Variants in TBR1 observed in about 807,000 individuals in gnomAD.
TBR1 encodes T-box brain transcription factor 1.
Under a neutral mutation model 60.3 loss-of-function variants are expected in TBR1, and 7 were observed. The observed-to-expected ratio is 0.12, with a 90% CI of 0.07 to 0.22. The LOEUF is 0.22. Ranked by LOEUF, TBR1 falls within the 10% of genes least tolerant of loss-of-function variation. The pLI is 1.00. For synonymous variants in TBR1, 417 were observed against 409.9 expected (o/e 1.02, Z -0.21); for missense variants, 616 against 936.8 (o/e 0.66, Z 4.47).
In TBR1 at chr2:161,420,257, C is replaced by T. The variant is rs1357112524; in HGVS notation, c.1190C>T (p.Thr397Met). 4 of 1,611,890 alleles carry T rather than the reference C, an allele frequency of 2.5e-6. No individual in the cohort carries two copies. The highest frequency in any genetic ancestry group is 2.2e-5 in the East Asian group (1 of 44,790). The change falls in exon 5 of 6, where the codon ACG becomes ATG. Residue 397 changes from threonine (T) to methionine (M), a missense_variant and splice_region_variant. By Grantham distance (81) the Thr-to-Met change is moderately conservative. This residue lies in a region of TBR1 where 19 missense variants were observed against 42.2 expected (regional missense o/e 0.45). Coordinates refer to ENST00000389554, the MANE Select transcript of TBR1 (RefSeq NM_006593.4). ...FAKGFRDNYDTIYTGCDMDRL... is the reference protein window; with the variant it reads ...FAKGFRDNYDMIYTGCDMDRL... Reference sequence around the variant, plus strand: ...AAAGGATTTCGGGATAATTATGACACGTAAGTAACTTTGTATCTTCCTTTT... The same window carrying T: ...AAAGGATTTCGGGATAATTATGACATGTAAGTAACTTTGTATCTTCCTTTT...
At position 161,423,949 on chromosome 2, in the gene TBR1, G is replaced by A. The variant is rs1489503769; in HGVS notation, c.1771G>A (p.Ala591Thr). ...YLGEEAEGLA[A>T]ERSPLPPGAA... ...GGGCGAGGAGGCCGAGGGCCTGGCCGCCGAGCGCTCGCCGCTGCCGCCCGG... is the reference window on the plus strand; with the variant it reads ...GGGCGAGGAGGCCGAGGGCCTGGCCACCGAGCGCTCGCCGCTGCCGCCCGG... The change falls in exon 6 of 6, where the codon GCC becomes ACC. Residue 591 changes from alanine (A) to threonine (T), a missense_variant. By Grantham distance (58) the Ala-to-Thr change is moderately conservative (BLOSUM62 0). Transcript: ENST00000389554. 1 of 1,545,462 alleles carries A rather than the reference G, an allele frequency of 6.5e-7. No homozygotes were observed. Among genetic ancestry groups the A allele is most frequent in the South Asian group, 1.2e-5 (1 of 83,758 alleles).
chr2:161,420,416 T>TTA, intron 5 of TBR1, 159 bp downstream of exon 5: 2 of 215,566 alleles, frequency 9.3e-6, no homozygotes, highest in Admixed American at 6.6e-5. Context: ...CTTCTTCCTC[T>TTA]TCTTTTTTTT....
Position 161,424,111 on chromosome 2 carries a change from A to G in TBR1, c.1933A>G (p.Thr645Ala). Reference protein sequence around the residue: ...AKRRRISPADTPVSESSSPLK... With the variant: ...AKRRRISPADAPVSESSSPLK... The stretch of plus-strand genomic sequence containing the variant: ...GCGGAGGCGGATCTCGCCGGCCGAC[A>G]CGCCCGTGTCCGAGAGTTCGTCCCC... The change falls in exon 6 of 6, where the codon ACG (threonine) becomes GCG (alanine). Residue 645 changes from threonine to alanine, a missense_variant. Coordinates refer to ENST00000389554, the MANE Select transcript of TBR1 (RefSeq NM_006593.4). The surrounding 1 kb of genome is among the most constrained non-coding windows in gnomAD (Gnocchi z 4.4). 1 of 1,612,396 alleles carries G rather than the reference A, an allele frequency of 6.2e-7. No homozygotes were observed. The highest frequency in any genetic ancestry group is 1.1e-5 in the South Asian group (1 of 90,646).
Position 161,424,499 on chromosome 2 carries a change from A to C in TBR1, c.*272A>C. ...TCTTCTTCTGTGGAGTTATCCTCCT[A>C]CAATTCCCCTCCCCCTCGTCTTTCT... On this transcript the variant is annotated 3_prime_UTR_variant, in exon 6 of 6. Coordinates refer to ENST00000389554, the MANE Select transcript of TBR1 (RefSeq NM_006593.4). This position sits in a 1 kb window ranked among gnomAD's most constrained non-coding sequence, Gnocchi z 4.4. The C allele has an allele frequency of 5.0e-6, 2 of 399,264 alleles. No individual in the cohort carries two copies. Among genetic ancestry groups the C allele is most frequent in the Non-Finnish European group, 4.5e-6 (1 of 221,998 alleles). The allele number at this position is 399,264 out of a possible 1,614,324, so 24.7% of individuals were successfully genotyped here. A position where few individuals can be genotyped will look rare whatever the true frequency, so the allele number is the denominator to read the frequency against.
rs1684155856 is a variant in TBR1 at position 161,417,845 on chromosome 2, T to C, written c.847+15T>C. The C allele has an allele frequency of 1.2e-6, 2 of 1,612,408 alleles. No individual in the cohort carries two copies. The highest frequency in any genetic ancestry group is 1.7e-5 in the Admixed American group (1 of 59,594). On this transcript the variant is annotated intron_variant, in intron 2 of 5. Coordinates refer to ENST00000389554, the MANE Select transcript of TBR1 (RefSeq NM_006593.4). This position sits in a 1 kb window ranked among gnomAD's most constrained non-coding sequence, Gnocchi z 5.3. ...CAATGTGCAAGGCAAGTCCTTCCAA[T>C]TAACACATTTTCTTGACACTTATTT...
chr2:161,423,770 G>A lies in TBR1; in HGVS notation c.1592G>A (p.Cys531Tyr). ...VKALPLQAAGCTGRPLGYYAD... is the reference protein window; with the variant it reads ...VKALPLQAAGYTGRPLGYYAD... ...GCGCTGCCGCTGCAGGCTGCAGGCT[G>A]CACTGGCCGCCCGCTCGGCTACTAC... Residue 531 changes from cysteine to tyrosine, a missense_variant, in exon 6 of 6, where the codon TGC becomes TAC. Cys to Tyr is a radical substitution (Grantham distance 194). Around this residue, in one of 8 missense-constraint regions of TBR1, gnomAD observed 210 missense variants for 297.4 expected, o/e 0.71. Transcript: ENST00000389554. 6.7e-7 allele frequency: 1 copy of A among 1,482,148 alleles called. No homozygotes were observed. Among genetic ancestry groups the A allele is most frequent in the East Asian group, 2.8e-5 (1 of 35,658 alleles). 91.8% of individuals were successfully genotyped at this position (1,482,148 alleles called of 1,614,324 possible).
rs1684269460 is a variant in TBR1 at position 161,423,532 on chromosome 2, G to C, written c.1354G>C (p.Gly452Arg). The change falls in exon 6 of 6, where the codon GGC becomes CGC. Residue 452 changes from glycine to arginine, a missense_variant. Physicochemically the swap from Gly to Arg is moderately radical, Grantham distance 125. Around this residue, in one of 8 missense-constraint regions of TBR1, gnomAD observed 80 missense variants for 75.3 expected, o/e 1.06. Transcript: ENST00000389554. ...CCGCTTCCACCCGGGCGCGGGCGCG[G>C]GCCCCGGGCCGGGTACGGACCGCAG... ...KARFHPGAGAGPGPGTDRSVP... is the reference protein window; with the variant it reads ...KARFHPGAGARPGPGTDRSVP... 1 of 1,578,718 alleles carries C rather than the reference G, an allele frequency of 6.3e-7. No individual in the cohort carries two copies. The highest frequency in any genetic ancestry group is 1.4e-5 in the African/African-American group (1 of 71,934).
Position 161,424,636 on chromosome 2 carries a change from C to G in TBR1, c.*409C>G, listed in dbSNP as rs532369009. 8.0e-4 allele frequency: 137 copies of G among 170,424 alleles called. No homozygotes were observed. Among genetic ancestry groups the G allele is most frequent in the Non-Finnish European group, 1.2e-3 (92 of 79,622 alleles). 10.6% of individuals were successfully genotyped at this position (170,424 alleles called of 1,614,324 possible). A position where few individuals can be genotyped will look rare whatever the true frequency, so the allele number is the denominator to read the frequency against. ...CGCCAAGTCTCGGCCTCCACATTAA[C>G]CATAGGATGTTGACTCTAGAACCTG... On this transcript the variant is annotated 3_prime_UTR_variant, in exon 6 of 6. Transcript: ENST00000389554. This position sits in a 1 kb window ranked among gnomAD's most constrained non-coding sequence, Gnocchi z 4.4.
At chr2:161,420,159 A>G (rs780655123) in intron 4 of TBR1, 37 bp from the exon 5 acceptor site, 2 of 1,572,650 alleles carry the variant, frequency 1.3e-6, no homozygotes, top group Admixed American at 1.7e-5. Flanking sequence ...CTTCACGTAT[A>G]AAAGGTGAGA....
At position 161,423,868 on chromosome 2, in the gene TBR1, TG is replaced by T; in HGVS notation, c.1691del (p.Cys564SerfsTer158). 7.1e-7 allele frequency: 1 copy of T among 1,402,260 alleles called. No individual in the cohort carries two copies. Among genetic ancestry groups the T allele is most frequent in the Admixed American group, 3.2e-5 (1 of 31,368 alleles). 86.9% of individuals were successfully genotyped at this position (1,402,260 alleles called of 1,614,324 possible). A position where few individuals can be genotyped will look rare whatever the true frequency, so the allele number is the denominator to read the frequency against. On this transcript the variant is annotated frameshift_variant, in exon 6 of 6. Transcript: ENST00000389554. LOFTEE classifies it high-confidence loss of function. ...CGTKSGSVLP[C>X]WPNSAAAAAR... ...CACCAAGTCGGGCTCGGTGCTGCCC[TG>T]CTGGCCCAACAGCGCCGCGGCCGCC...
At chr2:161,421,812 A>G (rs1180271716) in intron 5 of TBR1, 26 of 152,070 alleles carry the variant, frequency 1.7e-4, no homozygotes, top group Admixed American at 1.7e-3. Flanking sequence ...ACTAAACAGA[A>G]CGGACCTGAG....
intron 4 of TBR1, 93 bp downstream of exon 4, chr2:161,419,143 G>A: frequency 6.3e-7 from 1 of 1,583,704 alleles, no homozygotes; most frequent in Non-Finnish European, 8.6e-7. Context: ...TAGGGTACTA[G>A]CAGCGCTAAC....
Position 161,423,914 on chromosome 2 carries a change from A to C in TBR1, c.1736A>C (p.Asn579Thr). The C allele has an allele frequency of 1.3e-6, 2 of 1,494,460 alleles. No individual in the cohort carries two copies. Among genetic ancestry groups the C allele is most frequent in the Non-Finnish European group, 1.8e-6 (2 of 1,122,654 alleles). The allele number at this position is 1,494,460 out of a possible 1,614,324, so 92.6% of individuals were successfully genotyped here. A position where few individuals can be genotyped will look rare whatever the true frequency, so the allele number is the denominator to read the frequency against. ...GCCGCCGCGCGCATGGCCGGCGCCA[A>C]TCCCTACCTGGGCGAGGAGGCCGAG... is the stretch of plus-strand genomic sequence containing the variant. ...AAAAARMAGA[N>T]PYLGEEAEGL... The change falls in exon 6 of 6, where the codon AAT (asparagine) becomes ACT (threonine). Residue 579 changes from asparagine (N) to threonine (T), a missense_variant. Asn to Thr is a moderately conservative substitution (Grantham distance 65). Transcript: ENST00000389554.
intron 3 of TBR1, 101 bp downstream of exon 3, chr2:161,418,423 T>C (rs751717455): frequency 8.1e-5 from 117 of 1,441,440 alleles, no homozygotes; most frequent in Non-Finnish European, 1.1e-4. Flanking sequence ...GATACACGTT[T>C]CTTTGCTTCA....
In TBR1 at chr2:161,417,279, T is replaced by G. The variant is rs929434679; in HGVS notation, c.692+177T>G. ...GGGATAACCGCCAGGGTGATGTTGGTGGGGGGGACCCCGTTCTAGGAACAT... is the reference window on the plus strand; with the variant it reads ...GGGATAACCGCCAGGGTGATGTTGGGGGGGGGGACCCCGTTCTAGGAACAT... On this transcript the variant is annotated intron_variant, in intron 1 of 5. Coordinates refer to ENST00000389554, the MANE Select transcript of TBR1 (RefSeq NM_006593.4). This position sits in a 1 kb window ranked among gnomAD's most constrained non-coding sequence, Gnocchi z 5.3. The G allele has an allele frequency of 1.0e-5, 7 of 670,846 alleles. No individual in the cohort carries two copies. In the African/African-American group the frequency reaches 1.3e-4, roughly 12 times the overall value. 41.6% of individuals were successfully genotyped at this position (670,846 alleles called of 1,614,324 possible).
chr2:161,421,997 T>G (rs979319652), intron 5 of TBR1: 1 of 146,552 alleles, frequency 6.8e-6, no homozygotes, highest in Admixed American at 6.8e-5. Context: ...CAGAGAAGAG[T>G]TGAGTGGTTC....
At chr2:161,422,061 T>C (rs1684241124) in intron 5 of TBR1, 1 of 152,150 alleles carries the variant, frequency 6.6e-6, no homozygotes, top group Non-Finnish European at 1.5e-5. Flanking sequence ...GGCTCAATTT[T>C]GGAGAAAGAG....
At chr2:161,422,860 A>T (rs529897942) in intron 5 of TBR1, 2 of 152,478 alleles carry the variant, frequency 1.3e-5, no homozygotes, top group South Asian at 2.1e-4. Context: ...AAAAGGAGAG[A>T]TATCACCTGA....
intron 5 of TBR1, chr2:161,421,966 A>ACACAC (rs61071042): frequency 1.3e-5 from 2 of 151,956 alleles, no homozygotes; most frequent in Non-Finnish European, 1.5e-5. Flanking sequence ...ACACACACAC[A>ACACAC]AACCTGAGAT....
Sources: gnomAD v4.1 joint callset for allele counts on GRCh38, gnomAD v4.1.1 for gene constraint, gnomAD v4.1.1 regional missense constraint, Gnocchi (gnomAD v3.1) non-coding constraint, MANE v1.5 for transcripts, NCBI Gene and HGNC (gene_info 2026-07-23, HGNC 2026-07-21) for gene names.